Variants in HFM1 observed in about 807,000 individuals in gnomAD.
HFM1 encodes the protein helicase for meiosis 1.
HFM1 carries 169 observed loss-of-function variants against 192.1 expected under a neutral mutation model. That is an observed-to-expected ratio of 0.88 (90% CI 0.78 to 1.00). The LOEUF is 1.00. HFM1 is among the 50% of genes least tolerant of loss of function. The pLI, the probability that HFM1 is intolerant of heterozygous loss-of-function variation, is 0.00. For missense variants in HFM1, 1,661 were observed against 1,668.0 expected, an observed-to-expected ratio of 1.00 and a Z score of 0.07; for synonymous variants, 525 against 537.8, an observed-to-expected ratio of 0.98 and a Z score of 0.33.
At chr1:91,273,848 G>T in intron 33 of HFM1, 33 bp from the exon 34 acceptor site, 2 of 1,146,854 alleles carry the variant, frequency 1.7e-6, no homozygotes, top group South Asian at 1.4e-5. Flanking sequence ...AAATGTTAAA[G>T]AAAATATGGA....
intron 19 of HFM1, 140 bp downstream of exon 19, chr1:91,347,289 G>T: frequency 2.2e-6 from 1 of 457,892 alleles, no homozygotes; most frequent in Non-Finnish European, 3.9e-6. Context: ...GTGTGAAAAA[G>T]AAATAGTTCA....
intron 1 of HFM1, among the ~76,000 whole-genome samples, chr1:91,401,430 C>T (rs1442203062): frequency 3.9e-5 from 6 of 152,196 alleles, no homozygotes; most frequent in African/African-American, 1.4e-4. Context: ...TCTTCAAAGG[C>T]TTTTCTGAAT....
At chr1:91,329,328 G>A (rs2101478884) in intron 20 of HFM1, 3 of 1,605,858 alleles carry the variant, frequency 1.9e-6, no homozygotes, top group Middle Eastern at 2.1e-4. Context: ...GCAGTTCTCT[G>A]AGGAGCGAAT....
intron 6 of HFM1, among the ~76,000 whole-genome samples, chr1:91,384,322 TAAAAC>T (rs1393404623): frequency 6.6e-6 from 1 of 152,104 alleles, no homozygotes; most frequent in African/African-American, 2.4e-5. Context: ...GCTGGTGAAT[TAAAAC>T]AAAATAAGTG....
At chr1:91,361,236 C>CA (rs201504817) in intron 13 of HFM1, among the ~76,000 whole-genome samples, 219 of 139,298 alleles carry the variant, frequency 1.6e-3, no homozygotes, top group South Asian at 4.3e-3. Flanking sequence ...AAAAACCCTT[C>CA]AAAAAAAAAA....
intron 6 of HFM1, among the ~76,000 whole-genome samples, chr1:91,381,408 C>T (rs991598142): frequency 1.1e-4 from 17 of 152,184 alleles, no homozygotes; most frequent in African/African-American, 3.9e-4. Flanking sequence ...ATTGATTGTA[C>T]TTCATTAGCT....
intron 19 of HFM1, among the ~76,000 whole-genome samples, chr1:91,345,658 C>T (rs1269371620): frequency 2.0e-5 from 3 of 152,110 alleles, no homozygotes; most frequent in African/African-American, 7.2e-5. Context: ...ACTTCAGAAA[C>T]AAGAAAGTCA....
At chr1:91,391,393 C>T (rs1451178507) in intron 4 of HFM1, among the ~76,000 whole-genome samples, 1 of 152,102 alleles carries the variant, frequency 6.6e-6, no homozygotes, top group Non-Finnish European at 1.5e-5. Flanking sequence ...GATACTGGTA[C>T]CAAAACAGAG....
intron 20 of HFM1, among the ~76,000 whole-genome samples, chr1:91,326,390 A>C (rs172191): frequency 0.47 from 70,950 of 151,994 alleles, 17,391 homozygotes; most frequent in African/African-American, 0.63. Flanking sequence ...CATAGAATGG[A>C]GCTCCAATGT....
chr1:91,364,609 T>TATAC (rs1348857302), intron 13 of HFM1, among the ~76,000 whole-genome samples: 2 of 86,222 alleles, frequency 2.3e-5, no homozygotes, highest in African/African-American at 9.4e-5. Flanking sequence ...TACATATACA[T>TATAC]ATATATATAT....
intron 20 of HFM1, among the ~76,000 whole-genome samples, chr1:91,325,978 A>C (rs1652834306): frequency 6.6e-6 from 1 of 152,138 alleles, no homozygotes; most frequent in Non-Finnish European, 1.5e-5. Flanking sequence ...CGAACAATGC[A>C]TCAGAGTATC....
Position 91,374,226 on chromosome 1 carries a change from T to A in HFM1, c.1685+1132A>T, listed in dbSNP as rs571115683. ...CGTGATGATTAAAGGGGGAGAATGGTCATGAAAAGTCTGGAGAATTGGCTA... is the reference window on the plus strand; with the variant it reads ...CGTGATGATTAAAGGGGGAGAATGGACATGAAAAGTCTGGAGAATTGGCTA... On this transcript the variant is annotated intron_variant, in intron 13 of 38. Transcript: ENST00000370425. Among the ~76,000 whole-genome samples the A allele has an allele frequency of 2.2e-4, 33 of 151,866 alleles. No homozygotes were observed. The East Asian group carries it at 6.4e-3, about 29-fold the overall frequency.
intron 1 of HFM1, among the ~76,000 whole-genome samples, chr1:91,402,070 C>T (rs1417714399): frequency 1.3e-5 from 2 of 152,128 alleles, no homozygotes; most frequent in Admixed American, 1.3e-4. Flanking sequence ...ACATAAATCA[C>T]ATTTCTGTTT....
chr1:91,323,147 T>G lies in HFM1; in HGVS notation c.2480A>C (p.Asn827Thr). ...KEFLDIQLRI[N>T]EKKTLNTLNK... ...CAAAGTATTCAGTGTTTTCTTTTCA[T>G]TTATCCTTAACTGTATATCTAGAAA... is the stretch of plus-strand genomic sequence containing the variant. Residue 827 changes from asparagine to threonine, a missense_variant, in exon 22 of 39, where the codon AAT (asparagine) becomes ACT (threonine). Transcript: ENST00000370425. 2.5e-6 allele frequency: 4 copies of G among 1,596,388 alleles called. No homozygotes were observed. The highest frequency in any genetic ancestry group is 3.4e-6 in the Non-Finnish European group (4 of 1,166,728).
intron 5 of HFM1, 77 bp downstream of exon 5, chr1:91,385,498 T>A: frequency 1.6e-6 from 2 of 1,232,728 alleles, no homozygotes; most frequent in Non-Finnish European, 2.3e-6. Context: ...ATTTACTATA[T>A]TTTTACATTT....
intron 30 of HFM1, among the ~76,000 whole-genome samples, chr1:91,291,747 C>T (rs558535584): frequency 1.3e-5 from 2 of 151,442 alleles, no homozygotes; most frequent in East Asian, 3.9e-4. Context: ...GAGACACAAC[C>T]AAAAAAGAGA....
chr1:91,287,107 A>C (rs1011383533), intron 30 of HFM1, among the ~76,000 whole-genome samples: 35 of 152,264 alleles, frequency 2.3e-4, no homozygotes, highest in East Asian at 1.9e-3. Context: ...ACTGCCCAGG[A>C]TTGCTTAGGT....
At chr1:91,389,986 T>C (rs1035784581) in intron 4 of HFM1, among the ~76,000 whole-genome samples, 1 of 152,146 alleles carries the variant, frequency 6.6e-6, no homozygotes, top group African/African-American at 2.4e-5. Context: ...ATCCAAAGAA[T>C]TGAAAACACA....
At chr1:91,388,010 G>A (rs1662465601) in intron 4 of HFM1, among the ~76,000 whole-genome samples, 1 of 151,350 alleles carries the variant, frequency 6.6e-6, no homozygotes, top group African/African-American at 2.4e-5. Flanking sequence ...CTAAACAACA[G>A]GGTTCTGAGA....
Sources: allele counts gnomAD v4.1 joint callset (sites outside exome capture counted in the v4.1 genomes callset), GRCh38; gene constraint gnomAD v4.1.1; transcripts MANE v1.5; gene names NCBI Gene and HGNC (gene_info 2026-07-23, HGNC 2026-07-21).